The following TMEM178B variants were observed in gnomAD, a reference collection of about 807,000 sequenced individuals.
The protein encoded by TMEM178B is transmembrane protein 178B.
In TMEM178B, 5 loss-of-function variants were observed where a neutral mutation model predicts 31.0. The ratio of observed to expected loss-of-function variants is 0.16; its 90% CI spans 0.08 to 0.34. TMEM178B has a LOEUF of 0.34. TMEM178B is among the 10% of genes least tolerant of loss of function. The pLI is 1.00. For missense variants in TMEM178B, 275 were observed against 400.3 expected (o/e 0.69, Z 2.67); for synonymous variants, 164 against 164.0 (o/e 1.00, Z 0.00).
chr7:141,239,278 G>A (rs1164462678), intron 2 of TMEM178B, among the ~76,000 whole-genome samples: 1 of 152,194 alleles, frequency 6.6e-6, no homozygotes, highest in East Asian at 1.9e-4. Flanking sequence ...TGTATGCAGA[G>A]GTTACTGGGG....
chr7:141,260,448 C>G (rs529850325), intron 2 of TMEM178B, among the ~76,000 whole-genome samples: 19 of 152,202 alleles, frequency 1.2e-4, no homozygotes, highest in African/African-American at 4.3e-4. Context: ...GTTCTATCAC[C>G]GTTTGTTGGG....
the TMEM178B span, among the ~76,000 whole-genome samples, chr7:141,502,799 GAC>G: frequency 6.6e-6 from 1 of 151,450 alleles, no homozygotes; most frequent in Admixed American, 6.6e-5. Flanking sequence ...AAGATAAAAA[GAC>G]AGCCATTACT....
At chr7:141,343,657 C>T (rs565807610) in intron 2 of TMEM178B, among the ~76,000 whole-genome samples, 1 of 149,786 alleles carries the variant, frequency 6.7e-6, no homozygotes. Context: ...TTACACCATT[C>T]TCTTGCCTCA....
the TMEM178B span, among the ~76,000 whole-genome samples, chr7:141,499,800 A>G: frequency 6.6e-6 from 1 of 152,214 alleles, no homozygotes; most frequent in African/African-American, 2.4e-5. Flanking sequence ...ATAAAGTCCC[A>G]CCATTTGATT....
intron 1 of TMEM178B, among the ~76,000 whole-genome samples, chr7:141,139,937 T>C (rs537595568): frequency 4.6e-5 from 7 of 151,980 alleles, no homozygotes; most frequent in Non-Finnish European, 1.0e-4. Context: ...AGCTAATTTT[T>C]GTATTTTTAG....
chr7:141,126,416 TTTATTCA>T lies in TMEM178B; in HGVS notation c.382+51727_382+51733del, dbSNP rs201714186. Reference sequence around the variant, plus strand: ...CGCTGTAGATCCGTGGTTTCCCACATTTATTCATTTAGCCTCAGAACCCTTTCTTAAG... The same window carrying T: ...CGCTGTAGATCCGTGGTTTCCCACATTTTAGCCTCAGAACCCTTTCTTAAG... On this transcript the variant is annotated intron_variant, in intron 1 of 3. Coordinates refer to ENST00000565468, the MANE Select transcript of TMEM178B (RefSeq NM_001195278.2). 2.0e-5 allele frequency among the ~76,000 whole-genome samples: 3 copies of T among 152,256 alleles called. No homozygotes were observed. In the East Asian group the frequency reaches 5.8e-4, roughly 29 times the overall value.
At chr7:141,307,560 C>T (rs887543743) in intron 2 of TMEM178B, among the ~76,000 whole-genome samples, 3 of 152,206 alleles carry the variant, frequency 2.0e-5, no homozygotes, top group African/African-American at 7.2e-5. Context: ...TACCAGAATC[C>T]GGCATTTCAG....
chr7:141,156,315 G>A (rs1024034830), intron 1 of TMEM178B, among the ~76,000 whole-genome samples: 8 of 152,134 alleles, frequency 5.3e-5, no homozygotes, highest in Non-Finnish European at 1.2e-4. Context: ...ACTATGCCAT[G>A]ATTATAAGAA....
chr7:141,278,786 G>A (rs1319201072), intron 2 of TMEM178B, among the ~76,000 whole-genome samples: 1 of 152,102 alleles, frequency 6.6e-6, no homozygotes, highest in Non-Finnish European at 1.5e-5. Flanking sequence ...ACTGAGGTCC[G>A]TCTAGTTAGC....
chr7:141,487,212 G>T, the TMEM178B span, among the ~76,000 whole-genome samples: 1 of 152,094 alleles, frequency 6.6e-6, no homozygotes, highest in African/African-American at 2.4e-5. Flanking sequence ...CAGCTTCTTA[G>T]TAAGAGACGG....
At chr7:141,230,179 A>T (rs978344189) in intron 2 of TMEM178B, among the ~76,000 whole-genome samples, 2 of 152,186 alleles carry the variant, frequency 1.3e-5, no homozygotes, top group African/African-American at 4.8e-5. Context: ...ATCCTTGTGC[A>T]TAAATCTTTG....
At chr7:141,310,444 A>G (rs1013931512) in intron 2 of TMEM178B, among the ~76,000 whole-genome samples, 1 of 152,210 alleles carries the variant, frequency 6.6e-6, no homozygotes, top group East Asian at 1.9e-4. Context: ...ATTCCAAGAT[A>G]CATGTGTAGA....
chr7:141,424,132 TAA>T (rs1407953442), intron 2 of TMEM178B, among the ~76,000 whole-genome samples: 1 of 152,168 alleles, frequency 6.6e-6, no homozygotes, highest in Non-Finnish European at 1.5e-5. Flanking sequence ...AACATTTGTA[TAA>T]GTTTTGTTTG....
intron 2 of TMEM178B, among the ~76,000 whole-genome samples, chr7:141,395,966 A>C (rs889547328): frequency 4.6e-5 from 7 of 152,164 alleles, no homozygotes; most frequent in African/African-American, 9.7e-5. Flanking sequence ...GGATTTGGGA[A>C]ATTTACAACA....
the TMEM178B span, among the ~76,000 whole-genome samples, chr7:141,501,339 A>T: frequency 6.6e-6 from 1 of 151,668 alleles, no homozygotes; most frequent in African/African-American, 2.4e-5. Context: ...GAGAGTGAAA[A>T]TTCAGTCAAC....
At chr7:141,451,820 C>G (rs1396718196) in intron 3 of TMEM178B, among the ~76,000 whole-genome samples, 1 of 152,184 alleles carries the variant, frequency 6.6e-6, no homozygotes, top group African/African-American at 2.4e-5. Context: ...CTTATTACTT[C>G]TAGAGCTCCA....
At chr7:141,138,164 C>G (rs776959508) in intron 1 of TMEM178B, among the ~76,000 whole-genome samples, 1 of 151,902 alleles carries the variant, frequency 6.6e-6, no homozygotes, top group Non-Finnish European at 1.5e-5. Context: ...AGGGTTCACG[C>G]CATTGTCCTG....
intron 1 of TMEM178B, among the ~76,000 whole-genome samples, chr7:141,154,731 CTT>C (rs377268150): frequency 2.5e-4 from 35 of 141,128 alleles, no homozygotes; most frequent in Admixed American, 2.9e-4. Context: ...AACTTGTTAA[CTT>C]TTTTTTTTTT....
At chr7:141,112,542 C>T (rs1286749311) in intron 1 of TMEM178B, among the ~76,000 whole-genome samples, 1 of 152,202 alleles carries the variant, frequency 6.6e-6, no homozygotes, top group Admixed American at 6.5e-5. Context: ...GCATGAGCCA[C>T]CACGCCTAAC....
Sources: gnomAD v4.1 joint callset for allele counts (sites outside exome capture counted in the v4.1 genomes callset) on GRCh38, gnomAD v4.1.1 for gene constraint, MANE v1.5 for transcripts, NCBI Gene and HGNC (gene_info 2026-07-23, HGNC 2026-07-21) for gene names.